ACSL1: variants seen among roughly 807,000 people sequenced by gnomAD.
ACSL1 encodes the protein long-chain-fatty-acid--CoA ligase 1.
Under a neutral mutation model 98.4 loss-of-function variants are expected in ACSL1, and 41 were observed. The observed-to-expected ratio is 0.42, with a 90% CI of 0.32 to 0.54. The LOEUF is 0.54. ACSL1 is among the 20% of genes least tolerant of loss of function. The pLI is 0.13. For missense variants in ACSL1, 734 were observed against 883.1 expected, an observed-to-expected ratio of 0.83 and a Z score of 2.14; for synonymous variants, 316 against 322.7, an observed-to-expected ratio of 0.98 and a Z score of 0.22.
At chr4:184,767,503 C>T (rs1031579778) in intron 12 of ACSL1, among the ~76,000 whole-genome samples, 5 of 151,698 alleles carry the variant, frequency 3.3e-5, no homozygotes, top group African/African-American at 9.7e-5. Flanking sequence ...TGGAGGGGGT[C>T]GGGGAGCTGA....
At chr4:184,805,328 A>G (rs1771246637) in intron 1 of ACSL1, 1 of 243,616 alleles carries the variant, frequency 4.1e-6, no homozygotes, top group African/African-American at 2.3e-5. Flanking sequence ...TACTACCAGA[A>G]CCAACATAAT....
At chr4:184,817,299 T>A (rs543270736) in intron 1 of ACSL1, among the ~76,000 whole-genome samples, 54 of 152,232 alleles carry the variant, frequency 3.5e-4, no homozygotes, top group African/African-American at 1.1e-3. Flanking sequence ...TGTACCCCAA[T>A]AAATAAATGC....
chr4:184,773,290 T>G lies in ACSL1; in HGVS notation c.842-136A>C. The G allele has an allele frequency of 1.3e-6, 1 of 750,788 alleles. No homozygotes were observed. Among genetic ancestry groups the G allele is most frequent in the South Asian group, 1.8e-5 (1 of 55,586 alleles). The allele number at this position is 750,788 out of a possible 1,614,324, so 46.5% of individuals were successfully genotyped here. On this transcript the variant is annotated intron_variant, in intron 9 of 20. Coordinates refer to ENST00000281455, the MANE Select transcript of ACSL1 (RefSeq NM_001995.5). The surrounding 1 kb of genome is among the most constrained non-coding windows in gnomAD (Gnocchi z 4.3). ...GAAAACCAAATGTTGAACACTAAAT[T>G]CCTAAGCAACCTGCAATCCTTACAC...
chr4:184,775,126 A>G (rs1421264872), intron 7 of ACSL1, among the ~76,000 whole-genome samples: 3 of 152,198 alleles, frequency 2.0e-5, no homozygotes, highest in Non-Finnish European at 4.4e-5. Flanking sequence ...TCTCTCTTAC[A>G]GTATCACTTA....
intron 10 of ACSL1, among the ~76,000 whole-genome samples, chr4:184,771,700 T>C (rs575928753): frequency 2.6e-5 from 4 of 152,324 alleles, no homozygotes; most frequent in African/African-American, 9.6e-5. Context: ...TCATACCAAC[T>C]AAGAAATGAG....
rs117943140 is a variant in ACSL1 at position 184,776,422 on chromosome 4, C to T, written c.756+62G>A. ...TAGCACTAGATAGCACTGGATAGCA[C>T]GTGTGAGCCAACACGGCCCCAGGGA... On this transcript the variant is annotated intron_variant, in intron 7 of 20. Transcript: ENST00000281455. The T allele has an allele frequency of 4.1e-4, 636 of 1,556,180 alleles. 1 individual carries two copies. The East Asian group carries it at 0.011, about 27-fold the overall frequency.
At chr4:184,759,232 C>T (rs1416622293) in intron 18 of ACSL1, among the ~76,000 whole-genome samples, 1 of 152,108 alleles carries the variant, frequency 6.6e-6, no homozygotes, top group Non-Finnish European at 1.5e-5. Flanking sequence ...TCTTTAATAG[C>T]AGCATGATTT....
At chr4:184,790,796 T>C (rs959151336) in intron 2 of ACSL1, among the ~76,000 whole-genome samples, 1 of 152,216 alleles carries the variant, frequency 6.6e-6, no homozygotes, top group South Asian at 2.1e-4. Context: ...CCCGATAACA[T>C]GCTCTAACTA....
chr4:184,814,159 T>C (rs956263932), intron 1 of ACSL1, among the ~76,000 whole-genome samples: 5 of 151,804 alleles, frequency 3.3e-5, no homozygotes, highest in Non-Finnish European at 7.4e-5. Flanking sequence ...TGCATGGTGG[T>C]GGGCTCCTGT....
At chr4:184,792,735 G>A in intron 2 of ACSL1, among the ~76,000 whole-genome samples, 1 of 152,130 alleles carries the variant, frequency 6.6e-6, no homozygotes, top group East Asian at 1.9e-4. Context: ...CACTGCGCCT[G>A]GCCCAGTGTT....
chr4:184,793,886 C>T (rs547257583), intron 2 of ACSL1, among the ~76,000 whole-genome samples: 1 of 152,298 alleles, frequency 6.6e-6, no homozygotes, highest in South Asian at 2.1e-4. Flanking sequence ...TACCCAAATC[C>T]AGATGCTCAA....
intron 11 of ACSL1, among the ~76,000 whole-genome samples, chr4:184,769,502 C>G (rs1764169686): frequency 6.6e-6 from 1 of 152,210 alleles, no homozygotes. Flanking sequence ...TTCAGCGTGG[C>G]CTGCCTTCTA....
chr4:184,780,119 G>A (rs558584829), intron 5 of ACSL1, among the ~76,000 whole-genome samples: 12 of 152,130 alleles, frequency 7.9e-5, no homozygotes, highest in African/African-American at 1.4e-4. Context: ...TGACCCACCC[G>A]CCTTGGCCTC....
intron 1 of ACSL1, among the ~76,000 whole-genome samples, chr4:184,816,054 G>A (rs1020125461): frequency 6.6e-6 from 1 of 151,864 alleles, no homozygotes; most frequent in African/African-American, 2.4e-5. Context: ...TGTGGGGGGC[G>A]CAGCGGCAGT....
rs186163249 is a variant in ACSL1 at position 184,817,295 on chromosome 4, C to T, written c.-33+8621G>A. Among the ~76,000 whole-genome samples the T allele has an allele frequency of 4.3e-3, 651 of 152,130 alleles. 4 individuals are homozygous for T. Among genetic ancestry groups the T allele is most frequent in the Non-Finnish European group, 5.5e-3 (373 of 67,984 alleles). The stretch of plus-strand genomic sequence containing the variant: ...TTCTCTAGACTTCTGATGATGTACC[C>T]CAATAAATAAATGCACCCCTCACAT... On this transcript the variant is annotated intron_variant, in intron 1 of 20. Transcript: ENST00000281455.
Position 184,757,763 on chromosome 4 carries a change from A to G in ACSL1, c.1884+56T>C. On this transcript the variant is annotated intron_variant, in intron 19 of 20. Coordinates refer to ENST00000281455, the MANE Select transcript of ACSL1 (RefSeq NM_001995.5). This position sits in a 1 kb window ranked among gnomAD's most constrained non-coding sequence, Gnocchi z 4.5. ...CTGTTAGAGGTCCCTGAATATCTACAGGTACATTTAATGCCAAGTTATGAT... is the reference window on the plus strand; with the variant it reads ...CTGTTAGAGGTCCCTGAATATCTACGGGTACATTTAATGCCAAGTTATGAT... 6.2e-7 allele frequency: 1 copy of G among 1,610,800 alleles called. No homozygotes were observed. Among genetic ancestry groups the G allele is most frequent in the Non-Finnish European group, 8.5e-7 (1 of 1,177,080 alleles).
chr4:184,778,069 G>T (rs1212915859), intron 5 of ACSL1, among the ~76,000 whole-genome samples: 1 of 152,224 alleles, frequency 6.6e-6, no homozygotes, highest in African/African-American at 2.4e-5. Flanking sequence ...AAAGAAGTGA[G>T]ACAATAACTG....
chr4:184,806,922 T>C (rs1242564786), intron 1 of ACSL1, among the ~76,000 whole-genome samples: 2 of 152,242 alleles, frequency 1.3e-5, no homozygotes, highest in Non-Finnish European at 2.9e-5. Flanking sequence ...CTATAGTCTA[T>C]GCATAAAGAA....
chr4:184,768,161 G>A (rs978449182), intron 12 of ACSL1, 155 bp downstream of exon 12: 13 of 731,252 alleles, frequency 1.8e-5, no homozygotes, highest in East Asian at 9.5e-5. Context: ...AGAGGTAAAC[G>A]CATTCTAACT....
Sources: allele counts gnomAD v4.1 joint callset (sites outside exome capture counted in the v4.1 genomes callset), GRCh38; gene constraint gnomAD v4.1.1; non-coding constraint Gnocchi (gnomAD v3.1); transcripts MANE v1.5; gene names NCBI Gene and HGNC (gene_info 2026-07-23, HGNC 2026-07-21).